The following TLN2 variants were observed in gnomAD, a reference collection of about 807,000 sequenced individuals.
TLN2 encodes talin-2.
TLN2 carries 118 observed loss-of-function variants against 294.7 expected under a neutral mutation model. The ratio of observed to expected loss-of-function variants is 0.40; its 90% CI spans 0.34 to 0.47. The LOEUF (loss-of-function observed/expected upper bound fraction) is 0.47. Among genes scored for constraint, TLN2 ranks in the 20% least tolerant of loss-of-function variants. The pLI is 0.84. For missense variants in TLN2, 3,083 were observed against 3,282.2 expected, an observed-to-expected ratio of 0.94 and a Z score of 1.48; for synonymous variants, 1,431 against 1,304.5, an observed-to-expected ratio of 1.10 and a Z score of -2.09.
chr15:62,656,692 C>T (rs980114433), intron 8 of TLN2, among the ~76,000 whole-genome samples: 29 of 152,098 alleles, frequency 1.9e-4, no homozygotes, highest in African/African-American at 5.8e-4. Context: ...CCTTTCCTCT[C>T]GTTATTTATC....
At chr15:62,522,096 G>A (rs2040490542) in intron 1 of TLN2, among the ~76,000 whole-genome samples, 1 of 152,150 alleles carries the variant, frequency 6.6e-6, no homozygotes, top group East Asian at 1.9e-4. Flanking sequence ...CGTCCTCTTG[G>A]CCAGCAGGAA....
rs1432938100 is a variant in TLN2 at position 62,843,331 on chromosome 15, A to G, written c.*2721A>G. On this transcript the variant is annotated 3_prime_UTR_variant, in exon 59 of 59. Transcript: ENST00000636159. ...ACTGCCCAGTGATTTGAAAATTTAG[A>G]TTTTACTTGGGCCTTTCAGGAGTCT... 6.6e-6 allele frequency: 1 copy of G among 152,162 alleles called. No individual in the cohort carries two copies. Among genetic ancestry groups the G allele is most frequent in the African/African-American group, 2.4e-5 (1 of 41,432 alleles). The allele number at this position is 152,162 out of a possible 1,614,324, so 9.4% of individuals were successfully genotyped here.
chr15:62,699,839 G>A (rs1272588873), intron 16 of TLN2, among the ~76,000 whole-genome samples: 8 of 152,200 alleles, frequency 5.3e-5, no homozygotes, highest in Admixed American at 2.6e-4. Flanking sequence ...CAAATAAATC[G>A]TTGTTGCTGT....
intron 1 of TLN2, among the ~76,000 whole-genome samples, chr15:62,422,219 C>CAAAAAAAAA (rs386383227): frequency 3.6e-5 from 2 of 55,356 alleles, no homozygotes; most frequent in Admixed American, 2.4e-4. Context: ...AACTCTGTCT[C>CAAAAAAAAA]AAAAAAAAAA....
intron 19 of TLN2, among the ~76,000 whole-genome samples, chr15:62,704,892 G>A (rs2058958558): frequency 6.6e-6 from 1 of 152,194 alleles, no homozygotes; most frequent in African/African-American, 2.4e-5. Context: ...TGGTAAATAT[G>A]AGATTCAGCT....
chr15:62,652,104 G>A lies in TLN2; in HGVS notation c.334G>A (p.Glu112Lys). 2 of 1,607,140 alleles carry A rather than the reference G, an allele frequency of 1.2e-6. No homozygotes were observed. The highest frequency in any genetic ancestry group is 1.7e-6 in the Non-Finnish European group (2 of 1,176,230). The change falls in exon 6 of 59, where the codon GAG (glutamate) becomes AAG (lysine). Residue 112 changes from glutamate to lysine, a missense_variant. By Grantham distance (56) the Glu-to-Lys change is moderately conservative. Coordinates refer to ENST00000636159, the MANE Select transcript of TLN2 (RefSeq NM_015059.3). ...VMVDDSKTVG[E>K]LLVTICSRIG... is the part of the protein sequence containing the mutation. ...GGTGGATGATTCCAAGACTGTGGGG[G>A]AGCTCCTGGTCACTATTTGTAGCAG...
intron 3 of TLN2, among the ~76,000 whole-genome samples, chr15:62,632,050 G>A (rs2049950674): frequency 1.3e-5 from 2 of 152,182 alleles, no homozygotes; most frequent in African/African-American, 4.8e-5. Context: ...GTCTCTGTGG[G>A]CACTAGTTAG....
chr15:62,564,925 A>AAATATATAT (rs759679956), intron 1 of TLN2, among the ~76,000 whole-genome samples: 3 of 80,646 alleles, frequency 3.7e-5, no homozygotes, highest in African/African-American at 1.4e-4. Context: ...AAAAAAAAAA[A>AAATATATAT]ATATATATAT....
intron 32 of TLN2, among the ~76,000 whole-genome samples, chr15:62,741,590 C>T (rs1044343691): frequency 8.6e-5 from 13 of 152,038 alleles, no homozygotes; most frequent in Non-Finnish European, 1.8e-4. Context: ...CATCATATTA[C>T]GTATAAGAAA....
chr15:62,516,784 C>T (rs16945203), intron 1 of TLN2, among the ~76,000 whole-genome samples: 19,973 of 152,178 alleles, frequency 0.13, 2,075 homozygotes, highest in East Asian at 0.56. Flanking sequence ...AGCTTTGCCT[C>T]GTATCATTTT....
intron 2 of TLN2, among the ~76,000 whole-genome samples, chr15:62,603,426 G>A (rs1408895011): frequency 6.6e-6 from 1 of 150,748 alleles, no homozygotes; most frequent in Non-Finnish European, 1.5e-5. Context: ...TTCTTCTTCT[G>A]TAGTGGCATA....
chr15:62,574,814 A>G (rs986453819), intron 1 of TLN2, among the ~76,000 whole-genome samples: 7 of 152,152 alleles, frequency 4.6e-5, no homozygotes, highest in Middle Eastern at 3.4e-3. Context: ...GAAATTTGGC[A>G]TTTTAGTTGT....
Position 62,751,242 on chromosome 15 carries a change from AG to A in TLN2, c.4209+752del. Among the ~76,000 whole-genome samples, 2 of 152,190 alleles carry A rather than the reference AG, an allele frequency of 1.3e-5. 1 individual carries two copies. Among genetic ancestry groups the A allele is most frequent in the Non-Finnish European group, 2.9e-5 (2 of 68,034 alleles). On this transcript the variant is annotated intron_variant, in intron 34 of 58. Coordinates refer to ENST00000636159, the MANE Select transcript of TLN2 (RefSeq NM_015059.3). ...AGAAGGTGAAAATCAAATGCAAGGG[AG>A]AAGAATGGATGTCGAGCTGTTGCAA... is the stretch of plus-strand genomic sequence containing the variant.
chr15:62,796,150 C>T lies in TLN2; in HGVS notation c.5907C>T (p.Leu1969=), dbSNP rs1197165270. Residue 1969 remains leucine (L), a synonymous_variant, in exon 47 of 59, where the codon CTC becomes CTT. Transcript: ENST00000636159. ...TEKVSLVLSA[L]QAGNKGTQAC... Reference sequence around the variant, plus strand: ...AGGTCTCCTTGGTGCTCTCGGCTCTCCAGGCCGGGAACAAAGGAACCCAGG... The same window carrying T: ...AGGTCTCCTTGGTGCTCTCGGCTCTTCAGGCCGGGAACAAAGGAACCCAGG... 1 of 1,614,250 alleles carries T rather than the reference C, an allele frequency of 6.2e-7. No homozygotes were observed. The highest frequency in any genetic ancestry group is 2.2e-5 in the East Asian group (1 of 44,892).
chr15:62,442,193 C>A lies in TLN2; in HGVS notation c.-238+51508C>A, dbSNP rs565488045. On this transcript the variant is annotated intron_variant, in intron 1 of 58. Transcript: ENST00000636159. ...CATGTCCAGGTGGATAGTGTCAGAA[C>A]TGAGTTAAATTAGAGGATGTGGCCT... is the stretch of plus-strand genomic sequence containing the variant. Among the ~76,000 whole-genome samples, 3 of 151,986 alleles carry A rather than the reference C, an allele frequency of 2.0e-5. No homozygotes were observed. The East Asian group carries it at 5.8e-4, about 30-fold the overall frequency.
intron 9 of TLN2, among the ~76,000 whole-genome samples, chr15:62,665,611 G>C (rs957113819): frequency 2.0e-5 from 3 of 152,076 alleles, no homozygotes; most frequent in Non-Finnish European, 4.4e-5. Flanking sequence ...GGAATTCCTC[G>C]GAAGTATTTT....
At chr15:62,713,917 C>CATA (rs2059593637) in intron 22 of TLN2, among the ~76,000 whole-genome samples, 5 of 122,646 alleles carry the variant, frequency 4.1e-5, no homozygotes, top group Admixed American at 1.7e-4. Context: ...TATATATATG[C>CATA]TGTGTGTGTG....
rs1169608409 is a variant in TLN2, at chr15:62,717,626, C to T, written c.2814C>T (p.Ser938=). The T allele has an allele frequency of 4.4e-6, 7 of 1,605,046 alleles. No homozygotes were observed. Among genetic ancestry groups the T allele is most frequent in the Admixed American group, 1.7e-5 (1 of 58,326 alleles). The change falls in exon 24 of 59, where the codon TCC becomes TCT. Residue 938 remains serine (S), a synonymous_variant. Transcript: ENST00000636159. ...CAGCCACACAGACCATCGCCGCCTCCCAGAATGCAGCTGTTTCCAACAAGA... is the reference window on the plus strand; with the variant it reads ...CAGCCACACAGACCATCGCCGCCTCTCAGAATGCAGCTGTTTCCAACAAGA... ...AAAATQTIAA[S]QNAAVSNKNP...
chr15:62,635,118 C>A (rs547587850), intron 3 of TLN2, among the ~76,000 whole-genome samples: 136 of 152,216 alleles, frequency 8.9e-4, no homozygotes, highest in African/African-American at 3.1e-3. Flanking sequence ...GTTGTTAATG[C>A]ATATTCATTT....
Sources: allele counts gnomAD v4.1 joint callset (sites outside exome capture counted in the v4.1 genomes callset), GRCh38; gene constraint gnomAD v4.1.1; transcripts MANE v1.5; gene names NCBI Gene and HGNC (gene_info 2026-07-23, HGNC 2026-07-21).